TLCD4: variants seen among roughly 807,000 people sequenced by gnomAD.
The protein encoded by TLCD4 is TLC domain-containing protein 4.
In TLCD4, 7 loss-of-function variants were observed where a neutral mutation model predicts 24.2. The observed-to-expected ratio is 0.29, with a 90% confidence interval of 0.16 to 0.54. TLCD4 has a LOEUF of 0.54. TLCD4 is among the 20% of genes least tolerant of loss of function. The pLI, the probability that TLCD4 is intolerant of heterozygous loss-of-function variation, is 0.95. For missense variants in TLCD4, 259 were observed against 313.9 expected (o/e 0.82, Z 1.32); for synonymous variants, 103 against 106.4 (o/e 0.97, Z 0.20).
At chr1:95,116,548 A>AT (rs1410906883), upstream of TLCD4, among the ~76,000 whole-genome samples, 1 of 152,156 alleles carries the variant, frequency 6.6e-6, no homozygotes, top group East Asian at 1.9e-4. Context: ...AGGCCTTGTG[A>AT]TTGCTCTCTG....
At chr1:95,104,737 A>C in the TLCD4 span, among the ~76,000 whole-genome samples, 1 of 151,458 alleles carries the variant, frequency 6.6e-6, no homozygotes, top group African/African-American at 2.4e-5. Context: ...TACTTTAAAC[A>C]TGCTCAGAAC....
intron 1 of TLCD4, among the ~76,000 whole-genome samples, chr1:95,119,261 A>C (rs1473882604): frequency 6.6e-6 from 1 of 152,192 alleles, no homozygotes; most frequent in East Asian, 1.9e-4. Context: ...GAGTCTTCTG[A>C]ATAGGTCCTG....
Position 95,193,415 on chromosome 1 carries a change from G to A in TLCD4, c.*1547G>A, listed in dbSNP as rs537668975. 91 of 152,104 alleles carry A rather than the reference G, an allele frequency of 6.0e-4. No individual in the cohort carries two copies. The highest frequency in any genetic ancestry group is 1.9e-3 in the African/African-American group (79 of 41,528). 9.4% of individuals were successfully genotyped at this position (152,104 alleles called of 1,614,324 possible). On this transcript the variant is annotated 3_prime_UTR_variant, in exon 7 of 7. Coordinates refer to ENST00000370203, the MANE Select transcript of TLCD4 (RefSeq NM_152487.3). ...TATTGCCTTTATTCTTTAAGCACTTGAGTTTAATGATTATTCTTACCTGAG... is the reference window on the plus strand; with the variant it reads ...TATTGCCTTTATTCTTTAAGCACTTAAGTTTAATGATTATTCTTACCTGAG...
At chr1:95,165,871 GTTTGT>G (rs904265794) in intron 5 of TLCD4, among the ~76,000 whole-genome samples, 10 of 152,112 alleles carry the variant, frequency 6.6e-5, no homozygotes, top group Non-Finnish European at 1.2e-4. Context: ...GGTTTCTGTT[GTTTGT>G]TTTATTTTTG....
chr1:95,113,280 G>A (rs936357563), upstream of TLCD4, among the ~76,000 whole-genome samples: 1 of 151,856 alleles, frequency 6.6e-6, no homozygotes, highest in Non-Finnish European at 1.5e-5. Context: ...TCCTAACCTC[G>A]GGTGATCTGC....
chr1:95,126,738 C>T (rs1213850470), intron 1 of TLCD4, among the ~76,000 whole-genome samples: 1 of 152,198 alleles, frequency 6.6e-6, no homozygotes, highest in African/African-American at 2.4e-5. Flanking sequence ...CCTCTATCTA[C>T]CATCCTCTGG....
At chr1:95,152,166 CA>C (rs1379125594) in intron 5 of TLCD4, among the ~76,000 whole-genome samples, 1 of 151,756 alleles carries the variant, frequency 6.6e-6, no homozygotes, top group Non-Finnish European at 1.5e-5. Context: ...CATAGGGAAA[CA>C]AAATAGGAAA....
At chr1:95,139,814 A>T (rs2100930348) in intron 1 of TLCD4, among the ~76,000 whole-genome samples, 1 of 152,300 alleles carries the variant, frequency 6.6e-6, no homozygotes, top group Admixed American at 6.5e-5. Context: ...ATGGCTGTAG[A>T]AAAAGATTTT....
chr1:95,144,152 T>C, intron 2 of TLCD4, 96 bp downstream of exon 2: 1 of 1,218,236 alleles, frequency 8.2e-7, no homozygotes, highest in Non-Finnish European at 1.0e-6. Flanking sequence ...TAGGATCTAA[T>C]GTAAGGCCAA....
At chr1:95,096,799 G>A in the TLCD4 span, among the ~76,000 whole-genome samples, 4 of 152,132 alleles carry the variant, frequency 2.6e-5, no homozygotes, top group African/African-American at 9.7e-5. Flanking sequence ...GCCCCATCCT[G>A]TGGTTTCTTC....
the TLCD4 span, among the ~76,000 whole-genome samples, chr1:95,097,669 G>A: frequency 6.6e-6 from 1 of 152,190 alleles, no homozygotes; most frequent in South Asian, 2.1e-4. Flanking sequence ...CAGGAACAGA[G>A]GAAATCAACC....
chr1:95,183,870 A>G (rs1162414627), intron 6 of TLCD4, among the ~76,000 whole-genome samples: 1 of 152,100 alleles, frequency 6.6e-6, no homozygotes, highest in Non-Finnish European at 1.5e-5. Flanking sequence ...AACAAAAAAA[A>G]CAAAAAAACA....
rs1245629538 is a variant in TLCD4 at position 95,194,573 on chromosome 1, G to A, written c.*2705G>A. 4 of 151,950 alleles carry A rather than the reference G, an allele frequency of 2.6e-5. No individual in the cohort carries two copies. The highest frequency in any genetic ancestry group is 9.7e-5 in the African/African-American group (4 of 41,384). 9.4% of individuals were successfully genotyped at this position (151,950 alleles called of 1,614,324 possible). On this transcript the variant is annotated 3_prime_UTR_variant, in exon 7 of 7. Coordinates refer to ENST00000370203, the MANE Select transcript of TLCD4 (RefSeq NM_152487.3). ...TAACAACTCTATTAAAATATTTATA[G>A]AAAAATAAAAGCAAATTGATATAAA...
Position 95,148,790 on chromosome 1 carries a change from T to A in TLCD4, c.244T>A (p.Trp82Arg). 1 of 1,611,036 alleles carries A rather than the reference T, an allele frequency of 6.2e-7. No homozygotes were observed. Among genetic ancestry groups the A allele is most frequent in the Non-Finnish European group, 8.5e-7 (1 of 1,179,164 alleles). ...FDEATKADPLWGGPSLANVNI... is the reference protein window; with the variant it reads ...FDEATKADPLRGGPSLANVNI... ...TGAGGCTACTAAAGCTGATCCACTTTGGTAAGCTGTTTCTTTTTCTAAGAT... is the reference window on the plus strand; with the variant it reads ...TGAGGCTACTAAAGCTGATCCACTTAGGTAAGCTGTTTCTTTTTCTAAGAT... Residue 82 changes from tryptophan to arginine, a missense_variant and splice_region_variant, in exon 3 of 7, where the codon TGG becomes AGG. Trp to Arg is a moderately radical substitution (Grantham distance 101). Transcript: ENST00000370203.
At chr1:95,095,407 T>C in the TLCD4 span, among the ~76,000 whole-genome samples, 1 of 152,146 alleles carries the variant, frequency 6.6e-6, no homozygotes, top group African/African-American at 2.4e-5. Context: ...TTTATTTTTA[T>C]TTTTATTTTT....
intron 1 of TLCD4, chr1:95,138,418 A>G (rs910650994): frequency 1.3e-5 from 2 of 152,140 alleles, no homozygotes; most frequent in African/African-American, 4.8e-5. Flanking sequence ...CTCATAGCTG[A>G]TAGTTAAGAC....
intron 6 of TLCD4, among the ~76,000 whole-genome samples, chr1:95,190,470 A>G (rs559845741): frequency 6.6e-6 from 1 of 152,230 alleles, no homozygotes; most frequent in African/African-American, 2.4e-5. Context: ...CTGGGATTAC[A>G]GGTGCCCGCC....
At chr1:95,153,813 A>G (rs141711364) in intron 5 of TLCD4, among the ~76,000 whole-genome samples, 77 of 152,216 alleles carry the variant, frequency 5.1e-4, no homozygotes, top group African/African-American at 1.8e-3. Context: ...TAAGAACTAT[A>G]AGGACATGAT....
chr1:95,119,751 T>C (rs1000674591), intron 1 of TLCD4, among the ~76,000 whole-genome samples: 1 of 150,756 alleles, frequency 6.6e-6, no homozygotes, highest in South Asian at 2.1e-4. Flanking sequence ...GTCTTGCATG[T>C]ATTAGAGGAA....
Sources: allele counts gnomAD v4.1 joint callset (sites outside exome capture counted in the v4.1 genomes callset), GRCh38; gene constraint gnomAD v4.1.1; transcripts MANE v1.5; gene names NCBI Gene and HGNC (gene_info 2026-07-23, HGNC 2026-07-21).